The following GRM5 variants were observed in gnomAD, a reference collection of about 807,000 sequenced individuals.
The protein encoded by GRM5 is metabotropic glutamate receptor 5.
Under a neutral mutation model 83.1 loss-of-function variants are expected in GRM5, and 19 were observed. That is an observed-to-expected ratio of 0.23 (90% confidence interval 0.16 to 0.34). The LOEUF is 0.34. GRM5 is among the 10% of genes least tolerant of loss of function. The probability of loss-of-function intolerance (pLI) is 1.00; values close to 1 mark genes in which losing one functional copy is unlikely to be tolerated. For missense variants in GRM5, 1,160 were observed against 1,588.3 expected, an observed-to-expected ratio of 0.73 and a Z score of 4.58; for synonymous variants, 675 against 633.6, an observed-to-expected ratio of 1.07 and a Z score of -0.98.
intron 2 of GRM5, among the ~76,000 whole-genome samples, chr11:89,028,995 T>C (rs921305186): frequency 1.1e-4 from 17 of 151,498 alleles, no homozygotes; most frequent in African/African-American, 4.1e-4. Flanking sequence ...TGTGTTCTCA[T>C]TGATCAACTC....
chr11:88,879,342 C>T (rs1416405007), intron 2 of GRM5, among the ~76,000 whole-genome samples: 1 of 151,380 alleles, frequency 6.6e-6, no homozygotes, highest in Admixed American at 6.6e-5. Flanking sequence ...TACTCAACAA[C>T]AAGAAAATAA....
At chr11:88,543,195 A>C (rs945672808) in intron 8 of GRM5, among the ~76,000 whole-genome samples, 1 of 152,266 alleles carries the variant, frequency 6.6e-6, no homozygotes, top group African/African-American at 2.4e-5. Context: ...CACACTGTGC[A>C]CAACAACTAT....
intron 9 of GRM5, among the ~76,000 whole-genome samples, chr11:88,510,702 T>TA (rs1941343693): frequency 2.0e-5 from 3 of 152,206 alleles, no homozygotes; most frequent in African/African-American, 7.2e-5. Context: ...TTTTAGTAGA[T>TA]ACGGGGTTTC....
chr11:88,570,497 A>G (rs1318483301), intron 7 of GRM5, among the ~76,000 whole-genome samples: 3 of 145,294 alleles, frequency 2.1e-5, no homozygotes, highest in Non-Finnish European at 4.5e-5. Flanking sequence ...GTTTAGGCTT[A>G]TATTTACAAA....
At chr11:88,684,502 G>A (rs770299248) in intron 3 of GRM5, among the ~76,000 whole-genome samples, 46 of 152,270 alleles carry the variant, frequency 3.0e-4, no homozygotes, top group African/African-American at 9.9e-4. Flanking sequence ...TTGGATGTGC[G>A]GAGTTATAAA....
At chr11:89,037,434 G>T (rs1341453733) in intron 2 of GRM5, among the ~76,000 whole-genome samples, 1 of 151,546 alleles carries the variant, frequency 6.6e-6, no homozygotes, top group Non-Finnish European at 1.5e-5. Context: ...TGGTATAATT[G>T]TTCAATGAGT....
At chr11:88,589,806 C>G (rs1026045966) in intron 7 of GRM5, among the ~76,000 whole-genome samples, 1 of 152,010 alleles carries the variant, frequency 6.6e-6, no homozygotes, top group South Asian at 2.1e-4. Flanking sequence ...ACTTTTTTGC[C>G]TCCTTTATTA....
chr11:88,953,696 G>A (rs1938528297), intron 2 of GRM5, among the ~76,000 whole-genome samples: 1 of 151,936 alleles, frequency 6.6e-6, no homozygotes, highest in Non-Finnish European at 1.5e-5. Context: ...TGCCTATGTT[G>A]GATACTTAAT....
intron 3 of GRM5, among the ~76,000 whole-genome samples, chr11:88,767,465 A>ACATGTACAC (rs1400755263): frequency 1.3e-5 from 2 of 152,056 alleles, no homozygotes; most frequent in Non-Finnish European, 2.9e-5. Context: ...AAAATGTGGT[A>ACATGTACAC]CATGTACACC....
chr11:88,827,987 G>A (rs1368609411), intron 3 of GRM5, among the ~76,000 whole-genome samples: 2 of 152,206 alleles, frequency 1.3e-5, no homozygotes, highest in Non-Finnish European at 2.9e-5. Context: ...AGATGTTTCA[G>A]TGAGAAGGTA....
rs148925387 is a variant in GRM5, at chr11:88,854,774, A to G, written c.662-4619T>C. Among the ~76,000 whole-genome samples, 682 of 152,048 alleles carry G rather than the reference A, an allele frequency of 4.5e-3. 3 individuals carry two copies. Among genetic ancestry groups the G allele is most frequent in the African/African-American group, 0.016 (653 of 41,516 alleles). On this transcript the variant is annotated intron_variant, in intron 2 of 9. Transcript: ENST00000305447. ...ACAAACCTGCACATGAACACCCTGG[A>G]TATAAAATAAAATTAAATTAAATTA... is the stretch of plus-strand genomic sequence containing the variant.
At position 88,986,833 on chromosome 11, in the gene GRM5, T is replaced by C. The variant is rs1444567540; in HGVS notation, c.661+60379A>G. On this transcript the variant is annotated intron_variant, in intron 2 of 9. Coordinates refer to ENST00000305447, the MANE Select transcript of GRM5 (RefSeq NM_001143831.3). The stretch of plus-strand genomic sequence containing the variant: ...TCCTTCTAGTTTTCCTATAGAAGTT[T>C]TATGTTTTCACATCTCACATTTAAG... Among the ~76,000 whole-genome samples, 9 of 151,830 alleles carry C rather than the reference T, an allele frequency of 5.9e-5. No individual in the cohort carries two copies. The East Asian group carries it at 9.7e-4, about 16-fold the overall frequency.
chr11:88,544,550 A>G (rs1278930355), intron 8 of GRM5, among the ~76,000 whole-genome samples: 1 of 152,168 alleles, frequency 6.6e-6, no homozygotes, highest in Admixed American at 6.5e-5. Flanking sequence ...CACTCCTGTG[A>G]GGCTCTGCTG....
At chr11:88,887,567 G>T (rs1449229250) in intron 2 of GRM5, among the ~76,000 whole-genome samples, 1 of 152,160 alleles carries the variant, frequency 6.6e-6, no homozygotes. Context: ...TGGCAGTCAT[G>T]CCTGCAACTA....
chr11:88,597,168 A>G lies in GRM5; in HGVS notation c.1563+16T>C, dbSNP rs200072695. Reference sequence around the variant, plus strand: ...AATTTACAACAAAAATGAAAGAAACATAGATTCCATTTTACCTTGATCTGG... The same window carrying G: ...AATTTACAACAAAAATGAAAGAAACGTAGATTCCATTTTACCTTGATCTGG... On this transcript the variant is annotated intron_variant, in intron 6 of 9. Transcript: ENST00000305447. 48 of 1,487,446 alleles carry G rather than the reference A, an allele frequency of 3.2e-5. No homozygotes were observed. The highest frequency in any genetic ancestry group is 4.1e-5 in the Non-Finnish European group (45 of 1,105,540). 92.1% of individuals were successfully genotyped at this position (1,487,446 alleles called of 1,614,324 possible).
intron 3 of GRM5, among the ~76,000 whole-genome samples, chr11:88,785,903 C>T (rs965491834): frequency 6.6e-6 from 1 of 152,044 alleles, no homozygotes; most frequent in African/African-American, 2.4e-5. Context: ...AGAGCACTTT[C>T]CTGCTTTGCT....
At chr11:88,908,998 G>T (rs1255175166) in intron 2 of GRM5, among the ~76,000 whole-genome samples, 1 of 152,088 alleles carries the variant, frequency 6.6e-6, no homozygotes, top group Non-Finnish European at 1.5e-5. Flanking sequence ...GCCTGTTAGT[G>T]GTAAGACTTG....
chr11:88,609,480 A>G (rs1938258052), intron 4 of GRM5, among the ~76,000 whole-genome samples: 1 of 152,154 alleles, frequency 6.6e-6, no homozygotes, highest in African/African-American at 2.4e-5. Context: ...ATGAACATAT[A>G]AAGGGATGTG....
chr11:88,936,627 A>T (rs868631759), intron 2 of GRM5, among the ~76,000 whole-genome samples: 9 of 151,888 alleles, frequency 5.9e-5, no homozygotes, highest in African/African-American at 2.2e-4. Flanking sequence ...ACTTGATATG[A>T]AGGATGGAAA....
Sources: allele counts gnomAD v4.1 joint callset (sites outside exome capture counted in the v4.1 genomes callset), GRCh38; gene constraint gnomAD v4.1.1; transcripts MANE v1.5; gene names NCBI Gene and HGNC (gene_info 2026-07-23, HGNC 2026-07-21).